The following NPAS3 variants were observed in gnomAD, a reference collection of about 807,000 sequenced individuals.
NPAS3 encodes neuronal PAS domain protein 3, also known as neuronal PAS domain-containing protein 3.
In NPAS3, 14 loss-of-function variants were observed where a neutral mutation model predicts 73.1. The ratio of observed to expected loss-of-function variants is 0.19; its 90% CI spans 0.13 to 0.30. NPAS3 has a LOEUF of 0.30. Ranked by LOEUF, NPAS3 falls within the 10% of genes least tolerant of loss-of-function variation. NPAS3 has a pLI of 1.00. For synonymous variants in NPAS3, 620 were observed against 541.5 expected (o/e 1.14, Z -2.01); for missense variants, 1,096 against 1,250.0 (o/e 0.88, Z 1.86).
At chr14:33,190,591 C>T (rs752199344) in intron 2 of NPAS3, among the ~76,000 whole-genome samples, 83 of 152,112 alleles carry the variant, frequency 5.5e-4, no homozygotes, top group Non-Finnish European at 1.1e-3. Context: ...AAGAAGAAAA[C>T]GTGAAGAAAA....
At chr14:33,474,532 A>G (rs1486993362) in intron 4 of NPAS3, among the ~76,000 whole-genome samples, 6 of 152,108 alleles carry the variant, frequency 3.9e-5, no homozygotes, top group African/African-American at 1.4e-4. Flanking sequence ...ATCGCCTTTA[A>G]TTTTACATAT....
At chr14:33,528,709 G>C (rs1032707279) in intron 4 of NPAS3, among the ~76,000 whole-genome samples, 2 of 152,134 alleles carry the variant, frequency 1.3e-5, no homozygotes, top group African/African-American at 4.8e-5. Context: ...GACAGCGTCA[G>C]TGAGTCCTAT....
At chr14:33,297,641 AAAAT>A (rs1210080284) in intron 3 of NPAS3, among the ~76,000 whole-genome samples, 4 of 152,212 alleles carry the variant, frequency 2.6e-5, no homozygotes, top group African/African-American at 9.6e-5. Flanking sequence ...CAAACAGACT[AAAAT>A]AAATATTTTG....
At chr14:32,954,746 T>C (rs1163948189) in intron 1 of NPAS3, among the ~76,000 whole-genome samples, 2 of 152,166 alleles carry the variant, frequency 1.3e-5, no homozygotes, top group African/African-American at 4.8e-5. Flanking sequence ...TTTTGCACTC[T>C]CAAATTGTAC....
chr14:33,722,920 C>T (rs1297172012), intron 6 of NPAS3, among the ~76,000 whole-genome samples: 1 of 151,984 alleles, frequency 6.6e-6, no homozygotes, highest in African/African-American at 2.4e-5. Context: ...CCAACAAATC[C>T]TAGCTGCCCA....
At chr14:33,362,330 T>C (rs773621548) in intron 3 of NPAS3, among the ~76,000 whole-genome samples, 109 of 152,240 alleles carry the variant, frequency 7.2e-4, no homozygotes, top group Non-Finnish European at 1.2e-3. Context: ...ACATGCAAAC[T>C]GAGAAATTTT....
chr14:33,143,262 C>T (rs1313012213), intron 2 of NPAS3, among the ~76,000 whole-genome samples: 3 of 152,292 alleles, frequency 2.0e-5, no homozygotes, highest in South Asian at 2.1e-4. Context: ...GAGGCCAAGG[C>T]GGGTGGATCA....
At chr14:33,237,997 T>A (rs569774917) in intron 3 of NPAS3, among the ~76,000 whole-genome samples, 26 of 152,066 alleles carry the variant, frequency 1.7e-4, no homozygotes, top group African/African-American at 4.8e-4. Flanking sequence ...TCTTAGGAAT[T>A]CGTAGCACAT....
intron 6 of NPAS3, among the ~76,000 whole-genome samples, chr14:33,730,074 A>T (rs979974327): frequency 6.6e-6 from 1 of 152,192 alleles, no homozygotes; most frequent in African/African-American, 2.4e-5. Flanking sequence ...TAATATACCC[A>T]GAATAAAGAT....
chr14:33,195,780 T>C (rs1300636935), intron 2 of NPAS3, among the ~76,000 whole-genome samples: 1 of 152,230 alleles, frequency 6.6e-6, no homozygotes, highest in Non-Finnish European at 1.5e-5. Flanking sequence ...AGTTTTCATG[T>C]ATTGTCTGTG....
chr14:33,564,618 A>G (rs2055833263), intron 5 of NPAS3, among the ~76,000 whole-genome samples: 1 of 152,152 alleles, frequency 6.6e-6, no homozygotes, highest in African/African-American at 2.4e-5. Context: ...CCATACTCAC[A>G]TCCTGCATTT....
chr14:33,382,238 T>C (rs11848056), intron 4 of NPAS3, among the ~76,000 whole-genome samples: 43,170 of 151,826 alleles, frequency 0.28, 6,314 homozygotes, highest in Middle Eastern at 0.31. Flanking sequence ...ATTCATTGCA[T>C]TGAAAAAAAA....
intron 5 of NPAS3, among the ~76,000 whole-genome samples, chr14:33,562,320 C>G (rs1284086733): frequency 6.6e-6 from 1 of 152,164 alleles, no homozygotes; most frequent in Admixed American, 6.6e-5. Context: ...TCAGTCCTTG[C>G]TTTTATATAT....
chr14:33,272,683 C>T (rs141006420), intron 3 of NPAS3, among the ~76,000 whole-genome samples: 1 of 152,222 alleles, frequency 6.6e-6, no homozygotes, highest in African/African-American at 2.4e-5. Context: ...TCCCAAAGTG[C>T]TGGGATTACA....
chr14:33,256,607 T>C (rs10454679), intron 3 of NPAS3, among the ~76,000 whole-genome samples: 20,276 of 152,256 alleles, frequency 0.13, 1,754 homozygotes, highest in Non-Finnish European at 0.21. Flanking sequence ...CTGGCCGTTA[T>C]AATGTTTCAT....
intron 2 of NPAS3, among the ~76,000 whole-genome samples, chr14:33,155,205 G>C (rs1373885358): frequency 6.6e-6 from 1 of 152,180 alleles, no homozygotes; most frequent in African/African-American, 2.4e-5. Context: ...CTGTAGGTGG[G>C]AAGACATTGT....
intron 5 of NPAS3, among the ~76,000 whole-genome samples, chr14:33,668,738 G>A (rs951940501): frequency 4.6e-5 from 7 of 152,186 alleles, no homozygotes; most frequent in African/African-American, 1.7e-4. Context: ...AGGATCGCTT[G>A]AGCCCAGGAG....
chr14:33,447,217 G>A (rs1468310573), intron 4 of NPAS3, among the ~76,000 whole-genome samples: 1 of 152,206 alleles, frequency 6.6e-6, no homozygotes, highest in Non-Finnish European at 1.5e-5. Flanking sequence ...GATAGTACTT[G>A]TAAGCTAAGT....
At chr14:33,730,442 T>C (rs1399860992) in intron 6 of NPAS3, among the ~76,000 whole-genome samples, 1 of 152,212 alleles carries the variant, frequency 6.6e-6, no homozygotes, top group Non-Finnish European at 1.5e-5. Flanking sequence ...AGCAAAGATT[T>C]ATTTCAATAA....
Sources: allele counts gnomAD v4.1 joint callset (sites outside exome capture counted in the v4.1 genomes callset), GRCh38; gene constraint gnomAD v4.1.1; transcripts MANE v1.5; gene names NCBI Gene and HGNC (gene_info 2026-07-23, HGNC 2026-07-21).